The following REDIC1 variants were observed in gnomAD, a reference collection of about 807,000 sequenced individuals.
REDIC1 encodes the protein HEI10 Interacting Protein 1.
At chr12:39,679,665 A>C in the REDIC1 span, among the ~76,000 whole-genome samples, 2 of 152,156 alleles carry the variant, frequency 1.3e-5, no homozygotes, top group East Asian at 1.9e-4. Context: ...TATGCACCCC[A>C]AAAACCCCAC....
the REDIC1 span, among the ~76,000 whole-genome samples, chr12:39,736,316 A>G: frequency 6.6e-6 from 1 of 152,180 alleles, no homozygotes; most frequent in Non-Finnish European, 1.5e-5. Context: ...TAATTATCCT[A>G]TGCCTCTTCC....
the REDIC1 span, among the ~76,000 whole-genome samples, chr12:39,649,726 A>G: frequency 6.6e-6 from 1 of 152,056 alleles, no homozygotes. Context: ...TTACATTTAT[A>G]GGGTACTTTC....
chr12:39,837,903 C>G, the REDIC1 span, among the ~76,000 whole-genome samples: 1 of 150,872 alleles, frequency 6.6e-6, no homozygotes, highest in African/African-American at 2.4e-5. Flanking sequence ...GGACTGTAAA[C>G]TAGTTCAACC....
the REDIC1 span, among the ~76,000 whole-genome samples, chr12:39,710,636 C>G: frequency 6.6e-6 from 1 of 151,860 alleles, no homozygotes; most frequent in African/African-American, 2.4e-5. Context: ...ATTCATCATT[C>G]AAAACGTACT....
chr12:39,715,943 A>G, the REDIC1 span, among the ~76,000 whole-genome samples: 13 of 152,108 alleles, frequency 8.5e-5, no homozygotes, highest in African/African-American at 2.6e-4. Context: ...TTTCGGGGGT[A>G]TAAATTTCCT....
the REDIC1 span, among the ~76,000 whole-genome samples, chr12:39,712,494 G>T: frequency 7.3e-5 from 10 of 137,828 alleles, no homozygotes; most frequent in South Asian, 4.4e-4. Context: ...GTATATATAC[G>T]ACGTATATAC....
the REDIC1 span, among the ~76,000 whole-genome samples, chr12:39,708,163 G>A: frequency 6.6e-6 from 1 of 151,734 alleles, no homozygotes; most frequent in African/African-American, 2.4e-5. Context: ...TGAAAACAAT[G>A]TAATTAGATG....
chr12:39,672,773 C>T, the REDIC1 span, among the ~76,000 whole-genome samples: 2 of 152,264 alleles, frequency 1.3e-5, no homozygotes, highest in East Asian at 1.9e-4. Context: ...TCTAGATGGA[C>T]ATGGGAAAAT....
At chr12:39,663,505 A>G in the REDIC1 span, among the ~76,000 whole-genome samples, 1 of 152,010 alleles carries the variant, frequency 6.6e-6, no homozygotes, top group Non-Finnish European at 1.5e-5. Context: ...TGGGTAGCAT[A>G]TAGTTGTGTT....
the REDIC1 span, among the ~76,000 whole-genome samples, chr12:39,834,619 A>G: frequency 6.6e-6 from 1 of 152,026 alleles, no homozygotes; most frequent in South Asian, 2.1e-4. Context: ...AAGGAGGTCA[A>G]GTATCAAAAA....
the REDIC1 span, among the ~76,000 whole-genome samples, chr12:39,699,633 C>T: frequency 2.6e-5 from 4 of 152,052 alleles, no homozygotes; most frequent in South Asian, 8.3e-4. Context: ...TCTGTAGGCT[C>T]CACCTCTGGG....
the REDIC1 span, among the ~76,000 whole-genome samples, chr12:39,890,029 G>A: frequency 1.3e-5 from 2 of 152,188 alleles, no homozygotes; most frequent in Admixed American, 1.3e-4. Context: ...GAAGTAGCAA[G>A]AAAATTACTA....
the REDIC1 span, among the ~76,000 whole-genome samples, chr12:39,748,574 A>G: frequency 6.6e-6 from 1 of 152,216 alleles, no homozygotes; most frequent in South Asian, 2.1e-4. Flanking sequence ...CAGACCTAAT[A>G]GACATCTACA....
At chr12:39,768,670 C>G in the REDIC1 span, among the ~76,000 whole-genome samples, 1 of 151,914 alleles carries the variant, frequency 6.6e-6, no homozygotes, top group Non-Finnish European at 1.5e-5. Context: ...TTAAGTTTGA[C>G]GTCTTATACG....
At chr12:39,629,550 C>T in the REDIC1 span, among the ~76,000 whole-genome samples, 1,285 of 152,264 alleles carry the variant, frequency 8.4e-3, 23 homozygotes, top group African/African-American at 0.029. Context: ...GCATTTGACC[C>T]TTTGCTGCTC....
the REDIC1 span, among the ~76,000 whole-genome samples, chr12:39,860,979 T>G: frequency 6.6e-6 from 1 of 152,226 alleles, no homozygotes; most frequent in African/African-American, 2.4e-5. Flanking sequence ...ATCAAAAACC[T>G]CTGAGGCTCT....
chr12:39,843,847 T>C, the REDIC1 span, among the ~76,000 whole-genome samples: 1 of 152,106 alleles, frequency 6.6e-6, no homozygotes, highest in Admixed American at 6.6e-5. Flanking sequence ...CTGGCTGCTA[T>C]ACCAGCTCAA....
chr12:39,882,275 G>T, the REDIC1 span, among the ~76,000 whole-genome samples: 2 of 152,112 alleles, frequency 1.3e-5, no homozygotes, highest in African/African-American at 4.8e-5. Flanking sequence ...CAGAATTTCT[G>T]ATTCAGTAGG....
chr12:39,702,252 A>G, the REDIC1 span, among the ~76,000 whole-genome samples: 1 of 152,204 alleles, frequency 6.6e-6, no homozygotes, highest in Non-Finnish European at 1.5e-5. Flanking sequence ...TAAAGGGGAT[A>G]TCACCACCGA....
Sources: allele counts gnomAD v4.1 joint callset (sites outside exome capture counted in the v4.1 genomes callset), GRCh38; gene constraint gnomAD v4.1.1; transcripts MANE v1.5; gene names NCBI Gene and HGNC (gene_info 2026-07-23, HGNC 2026-07-21).